CCDC6: variants seen among roughly 807,000 people sequenced by gnomAD.
CCDC6 encodes coiled-coil domain-containing protein 6.
A neutral mutation model predicts 56.6 loss-of-function variants in CCDC6; 20 were observed. The ratio of observed to expected loss-of-function variants is 0.35; its 90% confidence interval spans 0.25 to 0.51. The LOEUF is 0.51. Among genes scored for constraint, CCDC6 ranks in the 20% least tolerant of loss-of-function variants. CCDC6 has a pLI of 0.95. For synonymous variants in CCDC6, 241 were observed against 234.4 expected, an observed-to-expected ratio of 1.03 and a Z score of -0.26; for missense variants, 367 against 601.1, an observed-to-expected ratio of 0.61 and a Z score of 4.07.
intron 1 of CCDC6, among the ~76,000 whole-genome samples, chr10:59,857,563 G>A (rs1239684469): frequency 6.6e-6 from 1 of 152,108 alleles, no homozygotes; most frequent in Admixed American, 6.5e-5. Context: ...TTAAGCATAA[G>A]AAAGAGAACG....
At chr10:59,845,156 C>T (rs1365786884) in intron 2 of CCDC6, among the ~76,000 whole-genome samples, 2 of 152,154 alleles carry the variant, frequency 1.3e-5, no homozygotes, top group Non-Finnish European at 2.9e-5. Flanking sequence ...ATTTACCTTT[C>T]CAACTAGAAA....
chr10:59,801,899 T>C (rs774734119), intron 7 of CCDC6, among the ~76,000 whole-genome samples: 1 of 152,188 alleles, frequency 6.6e-6, no homozygotes, highest in Non-Finnish European at 1.5e-5. Context: ...GCACTACAAG[T>C]TATCTCACCC....
In CCDC6 at chr10:59,806,991, A is replaced by G; in HGVS notation, c.935T>C (p.Met312Thr). The G allele has an allele frequency of 6.2e-7, 1 of 1,613,844 alleles. No individual in the cohort carries two copies. The highest frequency in any genetic ancestry group is 8.5e-7 in the Non-Finnish European group (1 of 1,179,852). The change falls in exon 6 of 9, where the codon ATG becomes ACG. Residue 312 changes from methionine (M) to threonine (T), a missense_variant. Met to Thr is a moderately conservative substitution (Grantham distance 81). Around this residue, in one of 7 missense-constraint regions of CCDC6, gnomAD observed 81 missense variants for 150.8 expected, o/e 0.54. Coordinates refer to ENST00000263102, the MANE Select transcript of CCDC6 (RefSeq NM_005436.5). ...TCGACAGAGGGCTTCTCTTCTCTCC[A>G]TCTCCCTCTGCAGCTTCCTCTGGAG... is the stretch of plus-strand genomic sequence containing the variant. ...LRLQRKLQREMERREALCRQL... is the reference protein window; with the variant it reads ...LRLQRKLQRETERREALCRQL...
chr10:59,899,784 T>C (rs113898418), intron 1 of CCDC6, among the ~76,000 whole-genome samples: 10 of 152,284 alleles, frequency 6.6e-5, no homozygotes, highest in African/African-American at 2.4e-4. Flanking sequence ...AACCTGAAAA[T>C]ACTTTGTCCC....
chr10:59,804,543 G>C (rs368214346), intron 6 of CCDC6, 23 bp from the exon 7 acceptor site: 4 of 1,357,930 alleles, frequency 2.9e-6, no homozygotes, highest in Non-Finnish European at 4.2e-6. Flanking sequence ...AGGAGGAAAC[G>C]ATAAAACCAC....
chr10:59,815,481 G>C (rs1313103794), intron 3 of CCDC6, among the ~76,000 whole-genome samples: 1 of 152,194 alleles, frequency 6.6e-6, no homozygotes, highest in African/African-American at 2.4e-5. Flanking sequence ...GTGAATCAAG[G>C]AGTCAGGAAT....
intron 1 of CCDC6, among the ~76,000 whole-genome samples, chr10:59,878,900 T>C (rs566765089): frequency 6.6e-6 from 1 of 152,108 alleles, no homozygotes; most frequent in Admixed American, 6.5e-5. Context: ...GGCCAAGCCA[T>C]AAGGGAAAGG....
At chr10:59,896,541 C>G (rs1026329010) in intron 1 of CCDC6, among the ~76,000 whole-genome samples, 1 of 151,340 alleles carries the variant, frequency 6.6e-6, no homozygotes, top group Middle Eastern at 3.4e-3. Context: ...AAGACCAGGA[C>G]AGTAAAAAGC....
At chr10:59,903,357 T>C (rs1319701747) in intron 1 of CCDC6, among the ~76,000 whole-genome samples, 1 of 152,136 alleles carries the variant, frequency 6.6e-6, no homozygotes, top group Admixed American at 6.5e-5. Flanking sequence ...ATGAAAGATG[T>C]TGATGGTGGA....
Position 59,906,320 on chromosome 10 carries a change from A to C in CCDC6, c.105T>G (p.Gly35=). The C allele has an allele frequency of 1.2e-6, 2 of 1,600,278 alleles. No individual in the cohort carries two copies. The highest frequency in any genetic ancestry group is 4.5e-5 in the East Asian group (2 of 44,732). The change falls in exon 1 of 9, where the codon GGT becomes GGG. Residue 35 remains glycine (G), a synonymous_variant. Coordinates refer to ENST00000263102, the MANE Select transcript of CCDC6 (RefSeq NM_005436.5). ...SSCSSTSGGG[G]GGGGGGGGGK... ...CACCGCCGCCGCCTCCCCCGCCGCC[A>C]CCGCCGCCGCCCGAGGTCGACGAGC...
Position 59,792,828 on chromosome 10 carries a change from C to A in CCDC6, c.*89G>T, listed in dbSNP as rs773003042. 11 of 1,305,056 alleles carry A rather than the reference C, an allele frequency of 8.4e-6. No individual in the cohort carries two copies. Among genetic ancestry groups the A allele is most frequent in the Middle Eastern group, 1.8e-4 (1 of 5,492 alleles). 80.8% of individuals were successfully genotyped at this position (1,305,056 alleles called of 1,614,324 possible). A position where few individuals can be genotyped will look rare whatever the true frequency, so the allele number is the denominator to read the frequency against. ...TAACCTCAGTGCAAATAAGTCATAT[C>A]CAAATATGCCAGAGAAGGAAGCCTT... On this transcript the variant is annotated 3_prime_UTR_variant, in exon 9 of 9. Transcript: ENST00000263102.
Position 59,797,711 on chromosome 10 carries a change from C to G in CCDC6, c.1106-3114G>C, listed in dbSNP as rs561483479. Among the ~76,000 whole-genome samples the G allele has an allele frequency of 4.6e-5, 6 of 129,696 alleles. No individual in the cohort carries two copies. In the East Asian group the frequency reaches 1.5e-3, roughly 32 times the overall value. The allele number at this position is 129,696 out of a possible 152,430, so 85.1% of individuals were successfully genotyped here. A position where few individuals can be genotyped will look rare whatever the true frequency, so the allele number is the denominator to read the frequency against. On this transcript the variant is annotated intron_variant, in intron 7 of 8. Transcript: ENST00000263102. ...TGTGTGTGTGTGTGTGTGTGTGTGT[C>G]TCAGCCATAACAGCAAACAAAACCA...
At chr10:59,852,821 AT>A in intron 1 of CCDC6, 119 bp from the exon 2 acceptor site, 1 of 748,728 alleles carries the variant, frequency 1.3e-6, no homozygotes, top group Non-Finnish European at 2.0e-6. Context: ...ATAGAGCTCT[AT>A]TTTTAGCTGT....
chr10:59,903,537 T>C (rs550228216), intron 1 of CCDC6, among the ~76,000 whole-genome samples: 1 of 152,118 alleles, frequency 6.6e-6, no homozygotes, highest in South Asian at 2.1e-4. Flanking sequence ...AAAAAGGCAA[T>C]GTGTCTTCCT....
At chr10:59,817,337 C>T (rs373273722) in intron 3 of CCDC6, among the ~76,000 whole-genome samples, 1 of 152,120 alleles carries the variant, frequency 6.6e-6, no homozygotes. Context: ...CACACCACCA[C>T]ACCTGGTTAA....
chr10:59,906,058 G>C, intron 1 of CCDC6, 64 bp downstream of exon 1: 1 of 1,393,404 alleles, frequency 7.2e-7, no homozygotes, highest in East Asian at 2.4e-5. Flanking sequence ...GGCTGGATTC[G>C]GGTGCAGCCC....
chr10:59,861,825 C>T (rs1308042353), intron 1 of CCDC6, among the ~76,000 whole-genome samples: 1 of 152,122 alleles, frequency 6.6e-6, no homozygotes, highest in Non-Finnish European at 1.5e-5. Context: ...ACAGATTATC[C>T]ATGGGTTATC....
At chr10:59,817,232 G>T (rs1404178780) in intron 3 of CCDC6, among the ~76,000 whole-genome samples, 1 of 152,142 alleles carries the variant, frequency 6.6e-6, no homozygotes, top group Admixed American at 6.5e-5. Context: ...CCAGGCTGGA[G>T]TGCAGTGGCA....
In CCDC6 at chr10:59,789,413, GC is replaced by G. The variant is rs2070448658; in HGVS notation, c.*3503del. Reference sequence around the variant, plus strand: ...TGCCCCCCACGACTTTATGCTAACAGCTGTGTGTATGTTTTAATCAAAAAAT... The same window carrying G: ...TGCCCCCCACGACTTTATGCTAACAGTGTGTGTATGTTTTAATCAAAAAAT... On this transcript the variant is annotated 3_prime_UTR_variant, in exon 9 of 9. Transcript: ENST00000263102. 4.4e-6 allele frequency: 1 copy of G among 229,436 alleles called. No individual in the cohort carries two copies. Among genetic ancestry groups the G allele is most frequent in the African/African-American group, 2.2e-5 (1 of 44,914 alleles). 14.2% of individuals were successfully genotyped at this position (229,436 alleles called of 1,614,324 possible).
Sources: gnomAD v4.1 joint callset for allele counts (sites outside exome capture counted in the v4.1 genomes callset) on GRCh38, gnomAD v4.1.1 for gene constraint, gnomAD v4.1.1 regional missense constraint, MANE v1.5 for transcripts, NCBI Gene and HGNC (gene_info 2026-07-23, HGNC 2026-07-21) for gene names.